The following PKD1L1 variants were observed in gnomAD, a reference collection of about 807,000 sequenced individuals.
PKD1L1 encodes the protein polycystin 1 like 1, transient receptor potential channel interacting.
PKD1L1 carries 236 observed loss-of-function variants against 323.4 expected under a neutral mutation model. That is an observed-to-expected ratio of 0.73 (90% CI 0.66 to 0.81). The LOEUF is 0.81. PKD1L1 is among the 40% of genes least tolerant of loss of function. PKD1L1 has a pLI of 0.00. For synonymous variants in PKD1L1, 1,344 were observed against 1,335.0 expected (o/e 1.01, Z -0.15); for missense variants, 3,320 against 3,508.0 (o/e 0.95, Z 1.35).
intron 3 of PKD1L1, among the ~76,000 whole-genome samples, chr7:47,938,017 C>A (rs1312564873): frequency 6.6e-6 from 1 of 152,090 alleles, no homozygotes; most frequent in African/African-American, 2.4e-5. Flanking sequence ...ACACAGGACG[C>A]CTGTCCAGAG....
chr7:47,808,169 A>G, intron 52 of PKD1L1, 78 bp downstream of exon 52: 1 of 1,532,982 alleles, frequency 6.5e-7, no homozygotes. Context: ...CACCTTCTAG[A>G]GTTTGTGTGA....
intron 24 of PKD1L1, among the ~76,000 whole-genome samples, chr7:47,870,018 CAAG>C (rs1226120343): frequency 6.6e-6 from 1 of 152,034 alleles, no homozygotes; most frequent in East Asian, 1.9e-4. Context: ...GAAATTGCAA[CAAG>C]AATTACAAAA....
At chr7:47,849,875 T>C (rs1189137424) in intron 31 of PKD1L1, among the ~76,000 whole-genome samples, 2 of 152,194 alleles carry the variant, frequency 1.3e-5, no homozygotes, top group Admixed American at 1.3e-4. Flanking sequence ...TGCAGCAACC[T>C]GGATGGAGTT....
At position 47,857,641 on chromosome 7, in the gene PKD1L1, C is replaced by T. The variant is rs1428260499; in HGVS notation, c.4554G>A (p.Lys1518=). 1 of 1,614,190 alleles carries T rather than the reference C, an allele frequency of 6.2e-7. No homozygotes were observed. The highest frequency in any genetic ancestry group is 1.3e-5 in the African/African-American group (1 of 75,056). ...PCYISQLILF[K]KNPYPGSQAP... ...CTTGGCTCCCTGGATATGGGTTCTTCTTGAAGAGTATGAGCTGGCTAATGT... is the reference window on the plus strand; with the variant it reads ...CTTGGCTCCCTGGATATGGGTTCTTTTTGAAGAGTATGAGCTGGCTAATGT... The change falls in exon 28 of 57, where the codon AAG becomes AAA. Residue 1518 remains lysine (K), a synonymous_variant. Transcript: ENST00000289672.
chr7:47,938,564 C>T (rs974463186), intron 3 of PKD1L1, among the ~76,000 whole-genome samples: 4 of 152,194 alleles, frequency 2.6e-5, no homozygotes, highest in African/African-American at 9.7e-5. Flanking sequence ...CTGCCCAGCA[C>T]GTCCAGGAGC....
intron 26 of PKD1L1, among the ~76,000 whole-genome samples, chr7:47,862,189 T>G (rs930237753): frequency 6.6e-6 from 1 of 151,746 alleles, no homozygotes; most frequent in Non-Finnish European, 1.5e-5. Flanking sequence ...AGTGAGACTC[T>G]GTCTGAAAAA....
Position 47,775,135 on chromosome 7 carries a change from C to G in PKD1L1, c.*8G>C. 6.2e-7 allele frequency: 1 copy of G among 1,613,946 alleles called. No individual in the cohort carries two copies. Among genetic ancestry groups the G allele is most frequent in the Non-Finnish European group, 8.5e-7 (1 of 1,179,912 alleles). On this transcript the variant is annotated 3_prime_UTR_variant, in exon 57 of 57. Coordinates refer to ENST00000289672, the MANE Select transcript of PKD1L1 (RefSeq NM_138295.5). Reference sequence around the variant, plus strand: ...GGTCCATAGTGCCTATGCAAGGTACCAGGCTCCTCAGAAGTCCTTGATGTC... The same window carrying G: ...GGTCCATAGTGCCTATGCAAGGTACGAGGCTCCTCAGAAGTCCTTGATGTC...
intron 32 of PKD1L1, 32 bp from the exon 33 acceptor site, chr7:47,845,110 T>C: frequency 1.3e-6 from 2 of 1,579,456 alleles, no homozygotes; most frequent in African/African-American, 1.3e-5. Context: ...GGATACAGAA[T>C]GTGTGGAGAG....
At position 47,885,786 on chromosome 7, in the gene PKD1L1, A is replaced by G. The variant is rs116252717; in HGVS notation, c.3105T>C (p.Gly1035=). The change falls in exon 18 of 57, where the codon GGT becomes GGC. Residue 1035 remains glycine, a synonymous_variant. Coordinates refer to ENST00000289672, the MANE Select transcript of PKD1L1 (RefSeq NM_138295.5). ...SAVLGEAPEE[G]SLDLEPGPQS... is the part of the protein sequence containing the mutation. ...GTGGCCCTGGCTCTAGGTCTAGTGA[A>G]CCTTCCTCTGGAGCCTCCCCCAGGA... The G allele has an allele frequency of 2.0e-3, 3,219 of 1,614,102 alleles. 53 individuals are homozygous for G. In the African/African-American group the frequency reaches 0.037, roughly 19 times the overall value.
chr7:47,835,466 T>G (rs572234257), intron 37 of PKD1L1, among the ~76,000 whole-genome samples: 97 of 152,292 alleles, frequency 6.4e-4, no homozygotes, highest in African/African-American at 2.3e-3. Flanking sequence ...AGTGGCAAGA[T>G]CTTGGCTCAC....
chr7:47,841,657 G>C (rs1387429681), intron 34 of PKD1L1, among the ~76,000 whole-genome samples: 1 of 152,136 alleles, frequency 6.6e-6, no homozygotes, highest in Non-Finnish European at 1.5e-5. Flanking sequence ...AAATGACAAA[G>C]GAAAATCGGC....
intron 6 of PKD1L1, among the ~76,000 whole-genome samples, chr7:47,930,574 T>G (rs1383415441): frequency 2.0e-5 from 3 of 151,872 alleles, no homozygotes; most frequent in Non-Finnish European, 2.9e-5. Context: ...CCCAGCACTT[T>G]GGGAGGCCGA....
At chr7:47,856,067 T>G (rs1785897712) in intron 28 of PKD1L1, among the ~76,000 whole-genome samples, 1 of 151,858 alleles carries the variant, frequency 6.6e-6, no homozygotes, top group Non-Finnish European at 1.5e-5. Flanking sequence ...ACACAGAGTC[T>G]TGCTCTGTCG....
At chr7:47,925,545 C>A in intron 7 of PKD1L1, among the ~76,000 whole-genome samples, 1 of 151,828 alleles carries the variant, frequency 6.6e-6, no homozygotes, top group East Asian at 1.9e-4. Flanking sequence ...CTGAATGGAC[C>A]CCTCCTTTTG....
In PKD1L1 at chr7:47,876,223, A is replaced by T; in HGVS notation, c.3664-6T>A. 1 of 1,613,816 alleles carries T rather than the reference A, an allele frequency of 6.2e-7. No individual in the cohort carries two copies. ...CTAAATTCATAATGGAAGTCCTATGATCCAGTCCAAGGGAGCAAAAATAGT... is the reference window on the plus strand; with the variant it reads ...CTAAATTCATAATGGAAGTCCTATGTTCCAGTCCAAGGGAGCAAAAATAGT... On this transcript the variant is annotated splice_polypyrimidine_tract_variant and splice_region_variant and intron_variant, in intron 22 of 56. Transcript: ENST00000289672.
Position 47,931,118 on chromosome 7 carries a change from G to T in PKD1L1, c.723C>A (p.Pro241=), listed in dbSNP as rs1033602026. 3 of 1,613,858 alleles carry T rather than the reference G, an allele frequency of 1.9e-6. No individual in the cohort carries two copies. The African/African-American group carries it at 4.0e-5, about 22-fold the overall frequency. The part of the protein sequence containing the change: ...RVPLWPISHF[P]TSPRSSHGLP... ...CTTCACCGTACCTTCTGGGAGAAGT[G>T]GGAAAATGTGAAATCGGCCACAGGG... The change falls in exon 6 of 57, where the codon CCC becomes CCA. Residue 241 remains proline (P), a synonymous_variant. Coordinates refer to ENST00000289672, the MANE Select transcript of PKD1L1 (RefSeq NM_138295.5).
intron 46 of PKD1L1, among the ~76,000 whole-genome samples, chr7:47,820,479 C>G (rs143012966): frequency 0.023 from 3,569 of 152,278 alleles, 63 homozygotes; most frequent in Admixed American, 0.033. Context: ...AATCCCAGCA[C>G]TTTGGGAGGC....
intron 56 of PKD1L1, among the ~76,000 whole-genome samples, chr7:47,781,300 T>C (rs4295570): frequency 0.28 from 42,170 of 151,840 alleles, 6,186 homozygotes; most frequent in East Asian, 0.57. Flanking sequence ...TACTAGTTCT[T>C]TGTTGAACAT....
chr7:47,813,557 C>G (rs950457007), intron 48 of PKD1L1: 15 of 676,238 alleles, frequency 2.2e-5, no homozygotes, highest in Non-Finnish European at 4.1e-5. Context: ...ACTTCCCCAT[C>G]ATGAGATGCC....
Sources: allele counts gnomAD v4.1 joint callset (sites outside exome capture counted in the v4.1 genomes callset), GRCh38; gene constraint gnomAD v4.1.1; transcripts MANE v1.5; gene names NCBI Gene and HGNC (gene_info 2026-07-23, HGNC 2026-07-21).